Variants in RABIF observed in about 807,000 individuals in gnomAD.
The protein encoded by RABIF is RAB interacting factor, also known as guanine nucleotide exchange factor MSS4.
Under a neutral mutation model 12.3 loss-of-function variants are expected in RABIF, and 13 were observed. That is an observed-to-expected ratio of 1.06 (90% CI 0.69 to 1.68). RABIF has a LOEUF of 1.68. Among genes scored for constraint, RABIF ranks in the 40% most tolerant of loss-of-function variants. The probability of loss-of-function intolerance (pLI) is 0.00; values close to 1 mark genes in which losing one functional copy is unlikely to be tolerated. For synonymous variants in RABIF, 70 were observed against 63.3 expected, an observed-to-expected ratio of 1.11 and a Z score of -0.50; for missense variants, 153 against 158.0, an observed-to-expected ratio of 0.97 and a Z score of 0.17.
chr1:202,888,755 C>T (rs1380564794), intron 1 of RABIF, among the ~76,000 whole-genome samples: 1 of 152,184 alleles, frequency 6.6e-6, no homozygotes, highest in Non-Finnish European at 1.5e-5. Context: ...GGAAGGGTTC[C>T]CGCGGCAAAA....
In RABIF at chr1:202,888,960, C is replaced by T; in HGVS notation, c.126+13G>A. 6.5e-7 allele frequency: 1 copy of T among 1,540,200 alleles called. No individual in the cohort carries two copies. The highest frequency in any genetic ancestry group is 8.8e-7 in the Non-Finnish European group (1 of 1,140,618). On this transcript the variant is annotated intron_variant, in intron 1 of 1. Coordinates refer to ENST00000367262, the MANE Select transcript of RABIF (RefSeq NM_002871.5). ...GACTGTGGGTGTAAACGGCCTCCAA[C>T]CTGCCTCCCTACCTGTCGGCGAGAG...
chr1:202,886,546 A>G (rs892480789), intron 1 of RABIF, among the ~76,000 whole-genome samples: 1 of 151,960 alleles, frequency 6.6e-6, no homozygotes, highest in African/African-American at 2.4e-5. Flanking sequence ...AGATCATGCC[A>G]CACACTCCAG....
rs189862009 is a variant in RABIF at position 202,886,890 on chromosome 1, C to T, written c.126+2083G>A. Among the ~76,000 whole-genome samples, 493 of 151,956 alleles carry T rather than the reference C, an allele frequency of 3.2e-3. 2 individuals are homozygous for T. Among genetic ancestry groups the T allele is most frequent in the Non-Finnish European group, 4.7e-3 (318 of 67,978 alleles). On this transcript the variant is annotated intron_variant, in intron 1 of 1. Coordinates refer to ENST00000367262, the MANE Select transcript of RABIF (RefSeq NM_002871.5). Reference sequence around the variant, plus strand: ...CTGGGATTACAGGTGCCCACCAACACGCCCAGATAATTTTTGTATTTTTAG... The same window carrying T: ...CTGGGATTACAGGTGCCCACCAACATGCCCAGATAATTTTTGTATTTTTAG...
intron 1 of RABIF, among the ~76,000 whole-genome samples, chr1:202,881,905 CA>C (rs1348356231): frequency 1.3e-5 from 2 of 152,232 alleles, no homozygotes; most frequent in Admixed American, 6.5e-5. Context: ...TCAGCTCAAA[CA>C]TAGCCTTCTC....
chr1:202,884,568 A>C (rs913027734), intron 1 of RABIF, among the ~76,000 whole-genome samples: 3 of 152,136 alleles, frequency 2.0e-5, no homozygotes, highest in Non-Finnish European at 4.4e-5. Context: ...ACTGTGTTAG[A>C]AGTCCGGCTA....
chr1:202,888,990 G>C lies in RABIF; in HGVS notation c.109C>G (p.Leu37Val), dbSNP rs1404449015. 8.9e-6 allele frequency: 14 copies of C among 1,580,910 alleles called. No individual in the cohort carries two copies. The highest frequency in any genetic ancestry group is 5.7e-5 in the South Asian group (5 of 87,178). Residue 37 changes from leucine (L) to valine (V), a missense_variant, in exon 1 of 2, where the codon CTC becomes GTC. Coordinates refer to ENST00000367262, the MANE Select transcript of RABIF (RefSeq NM_002871.5). ...CTCCCTACCTGTCGGCGAGAGAAGAGAGCGGTCCCTGGCTGCAGCACCCGG... is the reference window on the plus strand; with the variant it reads ...CTCCCTACCTGTCGGCGAGAGAAGACAGCGGTCCCTGGCTGCAGCACCCGG... ...GSRVLQPGTA[L>V]FSRRQLFLPS...
chr1:202,887,024 GTT>G (rs61356068), intron 1 of RABIF, among the ~76,000 whole-genome samples: 31,098 of 90,576 alleles, frequency 0.34, 3,902 homozygotes, highest in East Asian at 0.63. Flanking sequence ...TGTGGGCTAT[GTT>G]TTGTTTTTTT....
chr1:202,889,091 G>A lies in RABIF; in HGVS notation c.8C>T (p.Pro3Leu), dbSNP rs769782724. 4.4e-6 allele frequency: 7 copies of A among 1,605,004 alleles called. No individual in the cohort carries two copies. Among genetic ancestry groups the A allele is most frequent in the Admixed American group, 1.7e-5 (1 of 59,086 alleles). The change falls in exon 1 of 2, where the codon CCA becomes CTA. Residue 3 changes from proline (P) to leucine (L), a missense_variant. Coordinates refer to ENST00000367262, the MANE Select transcript of RABIF (RefSeq NM_002871.5). ...CACTAACTCGCTCGGCTGCTCCGCTGGTTCCATCGCCGCTGCCGCCACAGG... is the reference window on the plus strand; with the variant it reads ...CACTAACTCGCTCGGCTGCTCCGCTAGTTCCATCGCCGCTGCCGCCACAGG... ME[P>L]AEQPSELVSA...
intron 1 of RABIF, among the ~76,000 whole-genome samples, chr1:202,888,190 G>T (rs1425194379): frequency 6.6e-6 from 1 of 152,080 alleles, no homozygotes; most frequent in Non-Finnish European, 1.5e-5. Flanking sequence ...TGGTTGAAAT[G>T]ACATTATATT....
In RABIF at chr1:202,888,398, G is replaced by T. The variant is rs112893241; in HGVS notation, c.126+575C>A. 4.1e-3 allele frequency among the ~76,000 whole-genome samples: 629 copies of T among 152,312 alleles called. 3 individuals are homozygous for T. Among genetic ancestry groups the T allele is most frequent in the Non-Finnish European group, 6.6e-3 (447 of 68,030 alleles). ...GAAAACCACAGGCTTCCAGTGCCTC[G>T]GTAAAGTGGGTAGGTTACCAGGGTT... On this transcript the variant is annotated intron_variant, in intron 1 of 1. Coordinates refer to ENST00000367262, the MANE Select transcript of RABIF (RefSeq NM_002871.5).
chr1:202,886,745 C>CTTTTTTTTT (rs71142572), intron 1 of RABIF, among the ~76,000 whole-genome samples: 2 of 147,566 alleles, frequency 1.4e-5, no homozygotes, highest in African/African-American at 2.5e-5. Context: ...TTTCTTTTTT[C>CTTTTTTTTT]TTTTTTTTTT....
intron 1 of RABIF, among the ~76,000 whole-genome samples, chr1:202,886,261 A>G: frequency 8.9e-6 from 1 of 112,212 alleles, no homozygotes; most frequent in Non-Finnish European, 1.8e-5. Context: ...GGGAGGTGGG[A>G]AGGGAAGGGG....
In RABIF at chr1:202,879,968, A is replaced by C. The variant is rs546603807; in HGVS notation, c.*1010T>G. On this transcript the variant is annotated 3_prime_UTR_variant, in exon 2 of 2. Transcript: ENST00000367262. Reference sequence around the variant, plus strand: ...GTTAGAGCAGCCCCGGAGCTATGGAAATTTGTATCCATGCATCTGGATGGA... The same window carrying C: ...GTTAGAGCAGCCCCGGAGCTATGGACATTTGTATCCATGCATCTGGATGGA... 49 of 152,292 alleles carry C rather than the reference A, an allele frequency of 3.2e-4. No homozygotes were observed. The highest frequency in any genetic ancestry group is 1.4e-3 in the Admixed American group (22 of 15,290). 9.4% of individuals were successfully genotyped at this position (152,292 alleles called of 1,614,324 possible).
rs547551567 is a variant in RABIF at position 202,888,721 on chromosome 1, G to C, written c.126+252C>G. ...AAGCCCCCCCGGGGGCAGAGGGCCG[G>C]GCTGGCTGGGCCGGGTGGCCCAGGG... On this transcript the variant is annotated intron_variant, in intron 1 of 1. Transcript: ENST00000367262. 3.4e-3 allele frequency among the ~76,000 whole-genome samples: 515 copies of C among 152,282 alleles called. 3 individuals carry two copies. Among genetic ancestry groups the C allele is most frequent in the African/African-American group, 0.012 (494 of 41,560 alleles).
intron 1 of RABIF, among the ~76,000 whole-genome samples, chr1:202,885,586 G>A (rs544882751): frequency 4.6e-5 from 7 of 152,338 alleles, no homozygotes; most frequent in South Asian, 2.1e-4. Context: ...GAACCTTTAC[G>A]GGGTTTACCC....
intron 1 of RABIF, among the ~76,000 whole-genome samples, chr1:202,887,388 T>G (rs1659579517): frequency 6.6e-6 from 1 of 151,920 alleles, no homozygotes; most frequent in Non-Finnish European, 1.5e-5. Flanking sequence ...CTATCATTAG[T>G]GTATTTTGTG....
At chr1:202,883,234 A>G (rs1659517264) in intron 1 of RABIF, among the ~76,000 whole-genome samples, 1 of 151,994 alleles carries the variant, frequency 6.6e-6, no homozygotes. Context: ...GTCTCTCTAC[A>G]TTGCCCAGGC....
chr1:202,884,667 G>T (rs1274388076), intron 1 of RABIF, among the ~76,000 whole-genome samples: 1 of 152,068 alleles, frequency 6.6e-6, no homozygotes, highest in African/African-American at 2.4e-5. Context: ...TCAGGTGTGT[G>T]AGCCCTCCCA....
chr1:202,884,559 C>G (rs1659532543), intron 1 of RABIF, among the ~76,000 whole-genome samples: 2 of 152,154 alleles, frequency 1.3e-5, no homozygotes, highest in South Asian at 4.1e-4. Context: ...CCTTCAGCCA[C>G]TGTGTTAGAA....
Sources: gnomAD v4.1 joint callset for allele counts (sites outside exome capture counted in the v4.1 genomes callset) on GRCh38, gnomAD v4.1.1 for gene constraint, MANE v1.5 for transcripts, NCBI Gene and HGNC (gene_info 2026-07-23, HGNC 2026-07-21) for gene names.